The following DNAH11 variants were observed in gnomAD, a reference collection of about 807,000 sequenced individuals.
DNAH11 encodes axonemal beta dynein heavy chain 11.
A neutral mutation model predicts 526.0 loss-of-function variants in DNAH11; 442 were observed. The ratio of observed to expected loss-of-function variants is 0.84; its 90% CI spans 0.78 to 0.91. DNAH11 has a LOEUF of 0.91. Ranked by LOEUF, DNAH11 falls within the 40% of genes least tolerant of loss-of-function variation. DNAH11 has a pLI of 0.00. For missense variants in DNAH11, 6,989 were observed against 5,448.7 expected (o/e 1.28, Z -8.90); for synonymous variants, 2,461 against 1,935.9 (o/e 1.27, Z -7.12).
At position 21,626,325 on chromosome 7, in the gene DNAH11, A is replaced by G. The variant is rs544237092; in HGVS notation, c.4500+6247A>G. Among the ~76,000 whole-genome samples, 30 of 152,296 alleles carry G rather than the reference A, an allele frequency of 2.0e-4. No individual in the cohort carries two copies. The South Asian group carries it at 3.3e-3, about 17-fold the overall frequency. On this transcript the variant is annotated intron_variant, in intron 25 of 81. Coordinates refer to ENST00000409508, the MANE Select transcript of DNAH11 (RefSeq NM_001277115.2). ...TAGTTTTATGGCTGAATAATATTCTATTGTATGTATATGCCATTCTTAAAT... is the reference window on the plus strand; with the variant it reads ...TAGTTTTATGGCTGAATAATATTCTGTTGTATGTATATGCCATTCTTAAAT...
At chr7:21,588,003 G>C (rs909404261) in intron 9 of DNAH11, 61 bp from the exon 10 acceptor site, 8 of 1,529,604 alleles carry the variant, frequency 5.2e-6, no homozygotes, top group Non-Finnish European at 7.1e-6. Context: ...GGAACATTAT[G>C]AGCTGAGTAT....
intron 30 of DNAH11, among the ~76,000 whole-genome samples, chr7:21,680,709 T>C (rs1583588555): frequency 1.3e-5 from 2 of 152,354 alleles, no homozygotes; most frequent in Middle Eastern, 6.8e-3. Context: ...AAAATATTTA[T>C]CTACGAGTTC....
In DNAH11 at chr7:21,866,443, C is replaced by A; in HGVS notation, c.11497-27C>A. On this transcript the variant is annotated intron_variant, in intron 70 of 81. Coordinates refer to ENST00000409508, the MANE Select transcript of DNAH11 (RefSeq NM_001277115.2). ...ACTGTAAAGTATCGTTCACACCATTCCTACTTGTTTCCCTATCATATTACA... is the reference window on the plus strand; with the variant it reads ...ACTGTAAAGTATCGTTCACACCATTACTACTTGTTTCCCTATCATATTACA... 7 of 1,590,442 alleles carry A rather than the reference C, an allele frequency of 4.4e-6. No individual in the cohort carries two copies. The East Asian group carries it at 1.1e-4, about 25-fold the overall frequency.
At chr7:21,658,331 A>C (rs895063669) in intron 29 of DNAH11, among the ~76,000 whole-genome samples, 12 of 152,088 alleles carry the variant, frequency 7.9e-5, no homozygotes, top group African/African-American at 2.9e-4. Context: ...TTAGAGAAGA[A>C]TTTTCAGTAG....
At chr7:21,687,674 A>G in intron 34 of DNAH11, 147 bp downstream of exon 34, 1 of 1,003,750 alleles carries the variant, frequency 1.0e-6, no homozygotes, top group Non-Finnish European at 1.4e-6. Context: ...AATTATTTTG[A>G]ATAGTCTCCC....
At chr7:21,843,228 C>G (rs143001126) in intron 66 of DNAH11, among the ~76,000 whole-genome samples, 1 of 152,172 alleles carries the variant, frequency 6.6e-6, no homozygotes, top group East Asian at 1.9e-4. Flanking sequence ...AACAAAGCAA[C>G]ATAGCCTTAA....
Position 21,695,324 on chromosome 7 carries a change from C to T in DNAH11, c.6042-2751C>T, listed in dbSNP as rs143925067. On this transcript the variant is annotated intron_variant, in intron 35 of 81. Transcript: ENST00000409508. ...AAAAAGAATAAAGCTGGAGGCATCA[C>T]ACTACCTGACCTCAAACTATGCTAC... Among the ~76,000 whole-genome samples, 1,475 of 152,260 alleles carry T rather than the reference C, an allele frequency of 9.7e-3. 19 individuals carry two copies. The highest frequency in any genetic ancestry group is 0.033 in the African/African-American group (1,377 of 41,538).
At chr7:21,839,240 A>G (rs1428074755) in intron 65 of DNAH11, among the ~76,000 whole-genome samples, 1 of 152,136 alleles carries the variant, frequency 6.6e-6, no homozygotes, top group Non-Finnish European at 1.5e-5. Context: ...CTGAATACAT[A>G]TTTATTGGCT....
rs143721699 is a variant in DNAH11 at position 21,650,986 on chromosome 7, C to T, written c.4945-4846C>T. Among the ~76,000 whole-genome samples the T allele has an allele frequency of 3.8e-3, 570 of 151,356 alleles. 1 individual carries two copies. Among genetic ancestry groups the T allele is most frequent in the Non-Finnish European group, 6.6e-3 (449 of 67,870 alleles). On this transcript the variant is annotated intron_variant, in intron 28 of 81. Transcript: ENST00000409508. ...AAAAAAAAACACATGCAACTATTTACTATTTTGACACATTGACTTAAGTTT... is the reference window on the plus strand; with the variant it reads ...AAAAAAAAACACATGCAACTATTTATTATTTTGACACATTGACTTAAGTTT...
chr7:21,827,990 C>G (rs1403030133), intron 65 of DNAH11, among the ~76,000 whole-genome samples: 1 of 151,750 alleles, frequency 6.6e-6, no homozygotes, highest in Non-Finnish European at 1.5e-5. Context: ...GCTCTGTCGC[C>G]CAGGCTGGAG....
intron 23 of DNAH11, chr7:21,618,614 CTG>C (rs1311519017): frequency 5.9e-6 from 1 of 168,224 alleles, no homozygotes; most frequent in African/African-American, 2.4e-5. Flanking sequence ...AATAATGACA[CTG>C]TAAGACTATT....
intron 65 of DNAH11, among the ~76,000 whole-genome samples, chr7:21,822,413 G>A (rs944309437): frequency 6.6e-6 from 1 of 152,148 alleles, no homozygotes; most frequent in African/African-American, 2.4e-5. Context: ...CCATTCATGA[G>A]AGATCTGCCC....
Position 21,658,879 on chromosome 7 carries a change from G to T in DNAH11, c.5176G>T (p.Glu1726Ter). The part of the protein sequence containing the change: ...HSITEAIVAY[E>*]EKPRELWIFD... ...TATAACAGAAGCCATAGTGGCCTAC[G>T]AGGAAAAACCTAGGGAACTGTGGAT... is the stretch of plus-strand genomic sequence containing the variant. Residue 1726 changes from glutamate to a stop codon, truncating the protein, a stop_gained, in exon 30 of 82, where the codon GAG becomes TAG. Coordinates refer to ENST00000409508, the MANE Select transcript of DNAH11 (RefSeq NM_001277115.2). LOFTEE classifies it high-confidence loss of function. The T allele has an allele frequency of 6.2e-7, 1 of 1,608,904 alleles. No individual in the cohort carries two copies. The highest frequency in any genetic ancestry group is 1.1e-5 in the South Asian group (1 of 89,878).
At chr7:21,827,243 A>G (rs888127475) in intron 65 of DNAH11, among the ~76,000 whole-genome samples, 1 of 152,220 alleles carries the variant, frequency 6.6e-6, no homozygotes, top group Non-Finnish European at 1.5e-5. Context: ...AGACAATCCT[A>G]ATTTTAAATA....
intron 73 of DNAH11, among the ~76,000 whole-genome samples, chr7:21,869,600 C>T (rs1454987636): frequency 6.6e-6 from 1 of 152,190 alleles, no homozygotes; most frequent in Non-Finnish European, 1.5e-5. Flanking sequence ...GGCCAGGCTC[C>T]TCCCCGCTGC....
At chr7:21,782,383 G>T (rs1294293408) in intron 57 of DNAH11, among the ~76,000 whole-genome samples, 1 of 152,150 alleles carries the variant, frequency 6.6e-6, no homozygotes, top group Non-Finnish European at 1.5e-5. Flanking sequence ...TTGTACACTG[G>T]CTTAACAGCT....
intron 14 of DNAH11, among the ~76,000 whole-genome samples, chr7:21,592,883 GA>G (rs199712962): frequency 2.7e-5 from 4 of 150,732 alleles, no homozygotes; most frequent in Admixed American, 6.6e-5. Flanking sequence ...TTTTGTAGCA[GA>G]AAAAAAAAGG....
chr7:21,622,353 A>G (rs1786103880), intron 25 of DNAH11, among the ~76,000 whole-genome samples: 1 of 152,254 alleles, frequency 6.6e-6, no homozygotes, highest in Non-Finnish European at 1.5e-5. Flanking sequence ...TTCCATGCTC[A>G]TGGGTAAGAA....
chr7:21,672,448 G>A (rs1446680508), intron 30 of DNAH11, among the ~76,000 whole-genome samples: 2 of 152,190 alleles, frequency 1.3e-5, no homozygotes, highest in African/African-American at 4.8e-5. Context: ...ACCATGTCTG[G>A]CTAAGTTTTA....
Sources: gnomAD v4.1 joint callset for allele counts (sites outside exome capture counted in the v4.1 genomes callset) on GRCh38, gnomAD v4.1.1 for gene constraint, MANE v1.5 for transcripts, NCBI Gene and HGNC (gene_info 2026-07-23, HGNC 2026-07-21) for gene names.